The following SNCAIP variants were observed in gnomAD, a reference collection of about 807,000 sequenced individuals.
The protein encoded by SNCAIP is synphilin-1.
In SNCAIP, 43 loss-of-function variants were observed where a neutral mutation model predicts 86.7. The ratio of observed to expected loss-of-function variants is 0.50; its 90% CI spans 0.39 to 0.64. The LOEUF is 0.64. SNCAIP is among the 30% of genes least tolerant of loss of function. SNCAIP has a pLI of 0.00. For missense variants in SNCAIP, 981 were observed against 1,103.1 expected, an observed-to-expected ratio of 0.89 and a Z score of 1.57; for synonymous variants, 417 against 427.2, an observed-to-expected ratio of 0.98 and a Z score of 0.29.
At position 122,444,660 on chromosome 5, in the gene SNCAIP, G is replaced by T; in HGVS notation, c.1520G>T (p.Arg507Met). The T allele has an allele frequency of 6.2e-7, 1 of 1,614,052 alleles. No individual in the cohort carries two copies. Among genetic ancestry groups the T allele is most frequent in the East Asian group, 2.2e-5 (1 of 44,876 alleles). ...AERQGHTLCS[R>M]YLVVVETCMS... is the part of the protein sequence containing the mutation. ...CGGCAGGGGCACACCCTGTGCTCCA[G>T]GTACCTGGTGGTGGTGGAGACCTGC... The change falls in exon 8 of 11, where the codon AGG becomes ATG. Residue 507 changes from arginine (R) to methionine (M), a missense_variant. Transcript: ENST00000261368.
chr5:122,339,147 A>C (rs1757074206), intron 1 of SNCAIP, among the ~76,000 whole-genome samples: 2 of 152,194 alleles, frequency 1.3e-5, no homozygotes, highest in South Asian at 4.1e-4. Context: ...CAGTTTCTCC[A>C]CAGCTTCTGA....
intron 1 of SNCAIP, among the ~76,000 whole-genome samples, chr5:122,331,918 G>T (rs1755433793): frequency 6.6e-6 from 1 of 152,212 alleles, no homozygotes; most frequent in African/African-American, 2.4e-5. Flanking sequence ...CTAGCACAGT[G>T]CCTGGCCCAT....
chr5:122,384,098 T>G (rs1328527976), intron 1 of SNCAIP, among the ~76,000 whole-genome samples: 4 of 152,254 alleles, frequency 2.6e-5, no homozygotes, highest in African/African-American at 9.6e-5. Flanking sequence ...ACAATACAAT[T>G]CAGGGCTAGG....
At chr5:122,350,884 G>A (rs1759641244) in intron 1 of SNCAIP, among the ~76,000 whole-genome samples, 1 of 152,164 alleles carries the variant, frequency 6.6e-6, no homozygotes, top group Non-Finnish European at 1.5e-5. Context: ...TTGGAAGGAG[G>A]CTTAGCAGAA....
intron 1 of SNCAIP, among the ~76,000 whole-genome samples, chr5:122,313,422 T>G (rs1019355031): frequency 3.3e-5 from 5 of 152,230 alleles, no homozygotes; most frequent in African/African-American, 1.2e-4. Flanking sequence ...ATTACATGTG[T>G]GCACAGTATG....
chr5:122,322,705 G>A (rs1753212318), intron 1 of SNCAIP, among the ~76,000 whole-genome samples: 1 of 152,140 alleles, frequency 6.6e-6, no homozygotes, highest in African/African-American at 2.4e-5. Flanking sequence ...ACAGTTTGAG[G>A]GTGAGGTAGC....
At chr5:122,410,192 C>T (rs561900394) in intron 3 of SNCAIP, among the ~76,000 whole-genome samples, 68 of 152,196 alleles carry the variant, frequency 4.5e-4, no homozygotes, top group African/African-American at 1.6e-3. Context: ...AGAACTTAAC[C>T]TTGCCACCAA....
At chr5:122,430,431 T>C (rs774138844) in intron 5 of SNCAIP, among the ~76,000 whole-genome samples, 3 of 152,222 alleles carry the variant, frequency 2.0e-5, no homozygotes, top group Non-Finnish European at 4.4e-5. Flanking sequence ...CATTTAATCT[T>C]CATGGTAACT....
intron 1 of SNCAIP, among the ~76,000 whole-genome samples, chr5:122,369,068 C>A (rs1488809925): frequency 6.6e-6 from 1 of 152,168 alleles, no homozygotes; most frequent in Admixed American, 6.5e-5. Context: ...AAGGCAAGCA[C>A]TCCCACAGAT....
At chr5:122,345,539 G>T (rs1160751194) in intron 1 of SNCAIP, among the ~76,000 whole-genome samples, 1 of 152,092 alleles carries the variant, frequency 6.6e-6, no homozygotes, top group Non-Finnish European at 1.5e-5. Context: ...GCCTCCCCCA[G>T]TCTCACAGTG....
At chr5:122,334,604 A>G (rs1043904327) in intron 1 of SNCAIP, among the ~76,000 whole-genome samples, 11 of 152,222 alleles carry the variant, frequency 7.2e-5, no homozygotes, top group Non-Finnish European at 1.6e-4. Context: ...TCAGGTGGTA[A>G]CGTTGAGGGA....
intron 1 of SNCAIP, among the ~76,000 whole-genome samples, chr5:122,317,555 G>C (rs1224137560): frequency 3.3e-5 from 5 of 152,156 alleles, no homozygotes; most frequent in African/African-American, 1.2e-4. Flanking sequence ...GAGGCTTTTG[G>C]AAGGGGAGAG....
intron 2 of SNCAIP, among the ~76,000 whole-genome samples, chr5:122,396,867 A>G (rs1319132134): frequency 6.6e-6 from 1 of 152,160 alleles, no homozygotes; most frequent in Non-Finnish European, 1.5e-5. Flanking sequence ...CTGCCCTACT[A>G]TAACATACTT....
chr5:122,321,840 A>G (rs976255245), intron 1 of SNCAIP: 4 of 152,328 alleles, frequency 2.6e-5, no homozygotes, highest in African/African-American at 9.6e-5. Flanking sequence ...CTAACCTAGA[A>G]TTGTATTGAG....
chr5:122,361,243 A>T (rs1762150154), intron 1 of SNCAIP, among the ~76,000 whole-genome samples: 1 of 150,506 alleles, frequency 6.6e-6, no homozygotes, highest in Non-Finnish European at 1.5e-5. Flanking sequence ...ATCATTTGAT[A>T]GTCAGATCAT....
intron 1 of SNCAIP, among the ~76,000 whole-genome samples, chr5:122,369,070 C>T (rs1453671187): frequency 6.6e-6 from 1 of 152,168 alleles, no homozygotes; most frequent in Non-Finnish European, 1.5e-5. Flanking sequence ...GGCAAGCACT[C>T]CCACAGATGC....
At position 122,451,522 on chromosome 5, in the gene SNCAIP, T is replaced by C. The variant is rs1206131031; in HGVS notation, c.2675T>C (p.Leu892Ser). 1 of 1,613,760 alleles carries C rather than the reference T, an allele frequency of 6.2e-7. No individual in the cohort carries two copies. Among genetic ancestry groups the C allele is most frequent in the Non-Finnish European group, 8.5e-7 (1 of 1,180,012 alleles). Residue 892 changes from leucine to serine, a missense_variant, in exon 10 of 11, where the codon TTG (leucine) becomes TCG (serine). Physicochemically the swap from Leu to Ser is moderately radical, Grantham distance 145. Coordinates refer to ENST00000261368, the MANE Select transcript of SNCAIP (RefSeq NM_005460.4). ...GCCAACCAGCTGAAAACCTCTACAT[T>C]GCCCTTGACCTCACTTGGGAGGAAG... ...QAANQLKTSTLPLTSLGRKTD... is the reference protein window; with the variant it reads ...QAANQLKTSTSPLTSLGRKTD...
chr5:122,328,166 C>T (rs1580803633), intron 1 of SNCAIP, among the ~76,000 whole-genome samples: 1 of 152,086 alleles, frequency 6.6e-6, no homozygotes, highest in Non-Finnish European at 1.5e-5. Flanking sequence ...TAAGAGAAAG[C>T]TTATATATCT....
chr5:122,363,874 G>A (rs1232482705), intron 1 of SNCAIP, among the ~76,000 whole-genome samples: 1 of 151,642 alleles, frequency 6.6e-6, no homozygotes, highest in East Asian at 1.9e-4. Context: ...CCAGGCTGGA[G>A]TGCAGTTATG....
Sources: gnomAD v4.1 joint callset for allele counts (sites outside exome capture counted in the v4.1 genomes callset) on GRCh38, gnomAD v4.1.1 for gene constraint, MANE v1.5 for transcripts, NCBI Gene and HGNC (gene_info 2026-07-23, HGNC 2026-07-21) for gene names.